C6orf52: variants seen among roughly 807,000 people sequenced by gnomAD.
C6orf52 encodes the protein putative uncharacterized protein C6orf52.
Under a neutral mutation model 16.6 loss-of-function variants are expected in C6orf52, and 16 were observed. That is an observed-to-expected ratio of 0.96 (90% CI 0.65 to 1.46). The LOEUF is 1.46. Ranked by LOEUF, C6orf52 falls within the 40% of genes most tolerant of loss-of-function variation. The pLI, the probability that C6orf52 is intolerant of heterozygous loss-of-function variation, is 0.00. For synonymous variants in C6orf52, 53 were observed against 61.4 expected (o/e 0.86, Z 0.64); for missense variants, 166 against 182.3 (o/e 0.91, Z 0.52).
intron 2 of C6orf52, 84 bp downstream of exon 2, chr6:10,687,396 G>C: frequency 9.6e-7 from 1 of 1,041,188 alleles, no homozygotes; most frequent in Non-Finnish European, 1.4e-6. Flanking sequence ...AAAAAAAAAA[G>C]CCATAGTTTG....
At chr6:10,680,784 G>A (rs1768309959) in intron 4 of C6orf52, among the ~76,000 whole-genome samples, 1 of 152,082 alleles carries the variant, frequency 6.6e-6, no homozygotes, top group Non-Finnish European at 1.5e-5. Flanking sequence ...AGGCCATCAG[G>A]ACCTGGGCTT....
At chr6:10,683,554 C>G (rs1279529682) in intron 3 of C6orf52, among the ~76,000 whole-genome samples, 1 of 152,170 alleles carries the variant, frequency 6.6e-6, no homozygotes, top group African/African-American at 2.4e-5. Flanking sequence ...ACCAGCGACC[C>G]TGGTATCCAG....
At position 10,694,608 on chromosome 6, in the gene C6orf52, C is replaced by CGTGTAGATCT; in HGVS notation, c.-127_-126insAGATCTACAC. On this transcript the variant is annotated 5_prime_UTR_variant, in exon 1 of 5. Transcript: ENST00000259983. ...GGCGCTACAGCCCCTAAGCAACCGG[C>CGTGTAGATCT]CGGAAGTCGGCCCCACCTCCTCCTG... 1.7e-5 allele frequency: 3 copies of CGTGTAGATCT among 178,118 alleles called. No individual in the cohort carries two copies. The highest frequency in any genetic ancestry group is 3.6e-5 in the Non-Finnish European group (3 of 82,656). The allele number at this position is 178,118 out of a possible 1,614,324, so 11.0% of individuals were successfully genotyped here. A position where few individuals can be genotyped will look rare whatever the true frequency, so the allele number is the denominator to read the frequency against.
chr6:10,672,629 A>AG (rs756604606), intron 4 of C6orf52: 1 of 694,082 alleles, frequency 1.4e-6, no homozygotes, highest in South Asian at 1.5e-5. Flanking sequence ...CAACATACTG[A>AG]GACGTCACTA....
chr6:10,686,914 TTAC>T, intron 3 of C6orf52, 49 bp downstream of exon 3: 1 of 1,297,468 alleles, frequency 7.7e-7, no homozygotes, highest in Non-Finnish European at 1.1e-6. Context: ...AAAGTGATGT[TTAC>T]TATTATTGGG....
rs79224183 is a variant in C6orf52, at chr6:10,687,839, G to A, written c.-11-278C>T. Among the ~76,000 whole-genome samples, 78 of 152,242 alleles carry A rather than the reference G, an allele frequency of 5.1e-4. 1 individual carries two copies. In the East Asian group the frequency reaches 0.014, roughly 28 times the overall value. On this transcript the variant is annotated intron_variant, in intron 1 of 4. Coordinates refer to ENST00000259983, the MANE Select transcript of C6orf52 (RefSeq NM_001145020.3). ...CCCTCTCTCCCAACTGTCAGGCAGC[G>A]GGAGCCAGCAGAACCCCAGGGAGGG...
At chr6:10,681,846 T>G (rs1310278593) in intron 4 of C6orf52, among the ~76,000 whole-genome samples, 1 of 152,192 alleles carries the variant, frequency 6.6e-6, no homozygotes, top group Non-Finnish European at 1.5e-5. Context: ...CTGGAGAACC[T>G]CCAACCTGCC....
chr6:10,681,040 G>A (rs1768342054), intron 4 of C6orf52, among the ~76,000 whole-genome samples: 1 of 152,174 alleles, frequency 6.6e-6, no homozygotes, highest in Admixed American at 6.5e-5. Flanking sequence ...GGGCTCAAAT[G>A]ATCCTCCCCT....
intron 3 of C6orf52, among the ~76,000 whole-genome samples, chr6:10,686,722 C>T (rs913737521): frequency 8.5e-5 from 13 of 152,170 alleles, no homozygotes; most frequent in Non-Finnish European, 7.3e-5. Flanking sequence ...AGTTTATACA[C>T]GTCCAAACTC....
At chr6:10,677,888 T>C (rs1027826545) in intron 4 of C6orf52, among the ~76,000 whole-genome samples, 2 of 151,898 alleles carry the variant, frequency 1.3e-5, no homozygotes, top group Non-Finnish European at 2.9e-5. Flanking sequence ...AGAGAGTACA[T>C]TGAATCTGGC....
chr6:10,683,858 C>A (rs576325258), intron 3 of C6orf52, among the ~76,000 whole-genome samples: 1 of 152,142 alleles, frequency 6.6e-6, no homozygotes, highest in African/African-American at 2.4e-5. Context: ...GGGCAGCATA[C>A]GTTTTTATGA....
At chr6:10,672,981 T>G (rs531303405) in intron 4 of C6orf52, among the ~76,000 whole-genome samples, 178 of 152,372 alleles carry the variant, frequency 1.2e-3, no homozygotes, top group African/African-American at 4.1e-3. Context: ...ATGAGCTACT[T>G]CTCACTTTTC....
chr6:10,674,739 T>C (rs1253718331), intron 4 of C6orf52: 1 of 151,636 alleles, frequency 6.6e-6, no homozygotes. Flanking sequence ...GAACAACCAA[T>C]TGCGATAACT....
intron 1 of C6orf52, among the ~76,000 whole-genome samples, 161 bp downstream of exon 1, chr6:10,694,333 C>T (rs1769655131): frequency 6.6e-6 from 1 of 151,900 alleles, no homozygotes; most frequent in African/African-American, 2.4e-5. Flanking sequence ...CCAATACAGC[C>T]CCAGAGTTAG....
At chr6:10,679,611 C>G (rs755551972) in intron 4 of C6orf52, among the ~76,000 whole-genome samples, 2 of 149,020 alleles carry the variant, frequency 1.3e-5, no homozygotes, top group African/African-American at 2.6e-5. Flanking sequence ...CTCTGTGGAA[C>G]ATAATAAAGT....
intron 4 of C6orf52, among the ~76,000 whole-genome samples, chr6:10,682,863 C>G (rs898966574): frequency 6.6e-6 from 1 of 152,130 alleles, no homozygotes; most frequent in African/African-American, 2.4e-5. Context: ...GCTCTTCCCC[C>G]TTGAAAAAGA....
chr6:10,676,657 C>T (rs1767911550), intron 4 of C6orf52, among the ~76,000 whole-genome samples: 1 of 152,320 alleles, frequency 6.6e-6, no homozygotes, highest in Non-Finnish European at 1.5e-5. Context: ...ATCATGTAGA[C>T]GTCACACCTG....
chr6:10,680,669 A>G (rs1054316178), intron 4 of C6orf52, among the ~76,000 whole-genome samples: 6 of 152,290 alleles, frequency 3.9e-5, no homozygotes, highest in African/African-American at 1.4e-4. Context: ...AGCTGGGAGG[A>G]TCGCTTGAGC....
At chr6:10,673,544 A>G (rs1437324054) in intron 4 of C6orf52, among the ~76,000 whole-genome samples, 1 of 152,214 alleles carries the variant, frequency 6.6e-6, no homozygotes, top group Non-Finnish European at 1.5e-5. Context: ...GGATGAGGGA[A>G]GGGAGAGTGA....
Sources: gnomAD v4.1 joint callset for allele counts (sites outside exome capture counted in the v4.1 genomes callset) on GRCh38, gnomAD v4.1.1 for gene constraint, MANE v1.5 for transcripts, NCBI Gene and HGNC (gene_info 2026-07-23, HGNC 2026-07-21) for gene names.